Variants in CLNK observed in about 807,000 individuals in gnomAD.
CLNK encodes cytokine-dependent hematopoietic cell linker.
In CLNK, 74 loss-of-function variants were observed where a neutral mutation model predicts 68.6. The ratio of observed to expected loss-of-function variants is 1.08; its 90% CI spans 0.89 to 1.31. The LOEUF is 1.31. CLNK is among the 50% of genes most tolerant of loss of function. CLNK has a pLI of 0.00. For synonymous variants in CLNK, 198 were observed against 172.2 expected, an observed-to-expected ratio of 1.15 and a Z score of -1.17; for missense variants, 553 against 515.3, an observed-to-expected ratio of 1.07 and a Z score of -0.71.
At chr4:10,620,014 A>G (rs1052833955) in intron 2 of CLNK, among the ~76,000 whole-genome samples, 2 of 152,186 alleles carry the variant, frequency 1.3e-5, no homozygotes, top group Non-Finnish European at 2.9e-5. Flanking sequence ...TTCTTTTCAC[A>G]CAAGAATGTG....
At chr4:10,629,603 A>G (rs1204747998) in intron 2 of CLNK, among the ~76,000 whole-genome samples, 1 of 152,234 alleles carries the variant, frequency 6.6e-6, no homozygotes. Flanking sequence ...TGAGTGTTTC[A>G]GCAAACCTCG....
chr4:10,650,398 T>A (rs533695404), intron 2 of CLNK, among the ~76,000 whole-genome samples: 1 of 152,078 alleles, frequency 6.6e-6, no homozygotes, highest in Admixed American at 6.5e-5. Context: ...AATCAGGATA[T>A]CCAACGTATC....
In CLNK at chr4:10,632,841, A is replaced by G. The variant is rs1309309228; in HGVS notation, c.12-34792T>C. Among the ~76,000 whole-genome samples the G allele has an allele frequency of 2.0e-5, 3 of 152,254 alleles. No homozygotes were observed. In the East Asian group the frequency reaches 5.8e-4, roughly 29 times the overall value. The stretch of plus-strand genomic sequence containing the variant: ...GCATTCGTCATGTATTAGGAACTAA[A>G]TACTATTTAAAAATACCTCAAAATT... On this transcript the variant is annotated intron_variant, in intron 2 of 18. Transcript: ENST00000226951.
chr4:10,622,008 T>C (rs1336735859), intron 2 of CLNK, among the ~76,000 whole-genome samples: 1 of 152,218 alleles, frequency 6.6e-6, no homozygotes, highest in Non-Finnish European at 1.5e-5. Context: ...ACAGGACTTG[T>C]TATTTGCAGT....
At chr4:10,630,096 C>T (rs1722826928) in intron 2 of CLNK, among the ~76,000 whole-genome samples, 1 of 152,162 alleles carries the variant, frequency 6.6e-6, no homozygotes, top group Admixed American at 6.6e-5. Flanking sequence ...AGAGGATAGC[C>T]TCACTATGCT....
At chr4:10,569,428 AG>A (rs1720256642) in intron 5 of CLNK, among the ~76,000 whole-genome samples, 1 of 152,118 alleles carries the variant, frequency 6.6e-6, no homozygotes, top group South Asian at 2.1e-4. Flanking sequence ...ACACAGGGAG[AG>A]GGTAGTCATT....
chr4:10,716,997 T>C, the CLNK span, among the ~76,000 whole-genome samples: 1 of 150,618 alleles, frequency 6.6e-6, no homozygotes, highest in Non-Finnish European at 1.5e-5. Flanking sequence ...ACAATAACTG[T>C]CCTATCGTAG....
the CLNK span, among the ~76,000 whole-genome samples, chr4:10,726,119 G>A: frequency 3.3e-5 from 5 of 152,052 alleles, no homozygotes; most frequent in African/African-American, 7.2e-5. Context: ...TTGATATCCC[G>A]TGGCTTCTGC....
At position 10,542,257 on chromosome 4, in the gene CLNK, T is replaced by C; in HGVS notation, c.469A>G (p.Lys157Glu). The C allele has an allele frequency of 6.5e-7, 1 of 1,527,016 alleles. No individual in the cohort carries two copies. Among genetic ancestry groups the C allele is most frequent in the Non-Finnish European group, 9.0e-7 (1 of 1,117,150 alleles). The allele number at this position is 1,527,016 out of a possible 1,614,324, so 94.6% of individuals were successfully genotyped here. A position where few individuals can be genotyped will look rare whatever the true frequency, so the allele number is the denominator to read the frequency against. ...IKGDASVRKNKIPLPPPRPLI... is the reference protein window; with the variant it reads ...IKGDASVRKNEIPLPPPRPLI... ...TGCATTTTATTGATTTCTCTTACCT[T>C]GTTCTTTCTTACGGATGCATCTCCT... The change falls in exon 9 of 19, where the codon AAG becomes GAG. Residue 157 changes from lysine to glutamate, a missense_variant and splice_region_variant. Transcript: ENST00000226951.
the CLNK span, among the ~76,000 whole-genome samples, chr4:10,693,275 A>G: frequency 4.6e-5 from 7 of 152,240 alleles, no homozygotes; most frequent in South Asian, 2.1e-4. Context: ...TCCCAGTTAC[A>G]TTAGAATGTG....
intron 1 of CLNK, among the ~76,000 whole-genome samples, chr4:10,684,356 A>T (rs1263795143): frequency 1.3e-5 from 2 of 152,212 alleles, no homozygotes; most frequent in Non-Finnish European, 2.9e-5. Context: ...AAAGCCAGCC[A>T]TGGGGCCTGG....
intron 2 of CLNK, among the ~76,000 whole-genome samples, chr4:10,639,070 A>C (rs533906142): frequency 3.3e-5 from 5 of 152,226 alleles, no homozygotes; most frequent in Non-Finnish European, 5.9e-5. Context: ...GACGCCTTCC[A>C]GAAGACATCT....
rs1201019934 is a variant in CLNK at position 10,532,287 on chromosome 4, C to A, written c.603-4G>T. On this transcript the variant is annotated splice_polypyrimidine_tract_variant and splice_region_variant and intron_variant, in intron 11 of 18. Transcript: ENST00000226951. ...TAAGTCCCTTAAGCTTATCTGACTG[C>A]AAGAAAAAGAAATACGGTGTTACAT... The A allele has an allele frequency of 6.2e-7, 1 of 1,608,018 alleles. No homozygotes were observed. The highest frequency in any genetic ancestry group is 8.5e-7 in the Non-Finnish European group (1 of 1,175,568).
chr4:10,588,081 A>G (rs371406184), intron 3 of CLNK, among the ~76,000 whole-genome samples: 2 of 152,318 alleles, frequency 1.3e-5, no homozygotes, highest in East Asian at 3.9e-4. Context: ...CAGGACTTGC[A>G]ACTCATGACA....
At chr4:10,696,554 T>C in the CLNK span, among the ~76,000 whole-genome samples, 1 of 152,214 alleles carries the variant, frequency 6.6e-6, no homozygotes, top group South Asian at 2.1e-4. Context: ...ATAAACTCTT[T>C]GCCCTTTTGT....
At chr4:10,603,351 A>G (rs1315636278) in intron 2 of CLNK, among the ~76,000 whole-genome samples, 1 of 152,222 alleles carries the variant, frequency 6.6e-6, no homozygotes, top group Non-Finnish European at 1.5e-5. Flanking sequence ...AAATTTATAT[A>G]AGATTTTCAC....
At chr4:10,608,337 C>A (rs1356993520) in intron 2 of CLNK, among the ~76,000 whole-genome samples, 9 of 152,194 alleles carry the variant, frequency 5.9e-5, no homozygotes, top group Non-Finnish European at 2.9e-5. Flanking sequence ...CCTGCTAGGC[C>A]CATTCCCTCT....
At chr4:10,496,615 G>C (rs1397760523) in intron 18 of CLNK, among the ~76,000 whole-genome samples, 4 of 152,206 alleles carry the variant, frequency 2.6e-5, no homozygotes, top group Admixed American at 6.5e-5. Flanking sequence ...ACGGGTGAGG[G>C]ATTGCTTGTA....
At chr4:10,731,963 T>C in the CLNK span, among the ~76,000 whole-genome samples, 8 of 152,258 alleles carry the variant, frequency 5.3e-5, no homozygotes, top group South Asian at 1.0e-3. Flanking sequence ...GTGAGTAGTG[T>C]TTGCTGATTT....
Sources: gnomAD v4.1 joint callset for allele counts (sites outside exome capture counted in the v4.1 genomes callset) on GRCh38, gnomAD v4.1.1 for gene constraint, MANE v1.5 for transcripts, NCBI Gene and HGNC (gene_info 2026-07-23, HGNC 2026-07-21) for gene names.